The following PDGFC variants were observed in gnomAD, a reference collection of about 807,000 sequenced individuals.
PDGFC encodes platelet derived growth factor C, also known as platelet-derived growth factor C.
PDGFC carries 12 observed loss-of-function variants against 35.5 expected under a neutral mutation model. The ratio of observed to expected loss-of-function variants is 0.34; its 90% CI spans 0.22 to 0.55. PDGFC has a LOEUF of 0.55. PDGFC is among the 20% of genes least tolerant of loss of function. The pLI, the probability that PDGFC is intolerant of heterozygous loss-of-function variation, is 0.91. For synonymous variants in PDGFC, 159 were observed against 148.8 expected (o/e 1.07, Z -0.50); for missense variants, 322 against 412.4 (o/e 0.78, Z 1.90).
At chr4:156,924,615 G>T (rs184356748) in intron 1 of PDGFC, among the ~76,000 whole-genome samples, 32 of 152,188 alleles carry the variant, frequency 2.1e-4, no homozygotes, top group African/African-American at 6.0e-4. Context: ...ATTAGGGAGG[G>T]GGAAGAAATG....
In PDGFC at chr4:156,807,598, G is replaced by C. The variant is rs546122561; in HGVS notation, c.495+3239C>G. Among the ~76,000 whole-genome samples the C allele has an allele frequency of 2.0e-5, 3 of 151,906 alleles. No homozygotes were observed. The South Asian group carries it at 6.2e-4, about 32-fold the overall frequency. On this transcript the variant is annotated intron_variant, in intron 3 of 5. Transcript: ENST00000502773. ...ACAAGGGAGAACATAATTTTTAATG[G>C]CAACTTGTGTGGCAAAAACTGTTTC... is the stretch of plus-strand genomic sequence containing the variant.
At chr4:156,809,095 CAT>C (rs528481422) in intron 3 of PDGFC, among the ~76,000 whole-genome samples, 110 of 152,136 alleles carry the variant, frequency 7.2e-4, no homozygotes, top group Middle Eastern at 3.4e-3. Flanking sequence ...TTACTCCCCA[CAT>C]GTCTCCATTA....
chr4:156,789,743 G>A (rs573982123), intron 3 of PDGFC, among the ~76,000 whole-genome samples: 56 of 152,244 alleles, frequency 3.7e-4, no homozygotes, highest in Admixed American at 9.2e-4. Flanking sequence ...TCGGGAGGCC[G>A]AGGCAGGCGG....
intron 4 of PDGFC, among the ~76,000 whole-genome samples, chr4:156,768,203 G>T (rs1730592737): frequency 6.6e-6 from 1 of 151,628 alleles, no homozygotes; most frequent in East Asian, 1.9e-4. Flanking sequence ...ATGACTTAGC[G>T]ACCAGTAAAG....
chr4:156,801,072 A>G (rs1731591635), intron 3 of PDGFC, among the ~76,000 whole-genome samples: 1 of 152,164 alleles, frequency 6.6e-6, no homozygotes, highest in Non-Finnish European at 1.5e-5. Context: ...TAGCATCACT[A>G]TTGTAGAACT....
intron 1 of PDGFC, among the ~76,000 whole-genome samples, chr4:156,929,469 A>T: frequency 6.6e-6 from 1 of 151,942 alleles, no homozygotes; most frequent in East Asian, 1.9e-4. Context: ...AGCAAAAAAA[A>T]AAAAAGGCCA....
intron 1 of PDGFC, among the ~76,000 whole-genome samples, chr4:156,917,502 C>T (rs1043351498): frequency 1.3e-5 from 2 of 152,254 alleles, no homozygotes; most frequent in African/African-American, 2.4e-5. Flanking sequence ...AACAGCCTTA[C>T]CAGTAAGTAA....
intron 1 of PDGFC, among the ~76,000 whole-genome samples, chr4:156,877,440 C>A (rs1730141456): frequency 6.6e-6 from 1 of 152,000 alleles, no homozygotes; most frequent in East Asian, 1.9e-4. Flanking sequence ...AATTGTAAGT[C>A]AATCGTGAAA....
intron 2 of PDGFC, among the ~76,000 whole-genome samples, chr4:156,836,199 G>A (rs1407125910): frequency 6.6e-6 from 1 of 152,084 alleles, no homozygotes; most frequent in African/African-American, 2.4e-5. Context: ...ATGAATATTG[G>A]TGAATACAAA....
At chr4:156,889,865 G>A (rs962296187) in intron 1 of PDGFC, among the ~76,000 whole-genome samples, 5 of 152,128 alleles carry the variant, frequency 3.3e-5, no homozygotes, top group African/African-American at 1.2e-4. Context: ...ATTTGTAAAA[G>A]TTTAGTCATA....
At chr4:156,886,941 A>ATATT (rs1372478408) in intron 1 of PDGFC, 3 of 152,190 alleles carry the variant, frequency 2.0e-5, no homozygotes, top group Admixed American at 1.3e-4. Context: ...ACAATAAACA[A>ATATT]TATTTAAGCT....
chr4:156,905,009 T>C (rs79617430), intron 1 of PDGFC, among the ~76,000 whole-genome samples: 184 of 152,238 alleles, frequency 1.2e-3, no homozygotes, highest in African/African-American at 4.2e-3. Context: ...TCTTTTGAGC[T>C]GATGGAACAC....
intron 1 of PDGFC, among the ~76,000 whole-genome samples, chr4:156,867,498 T>C (rs1170070476): frequency 6.6e-6 from 1 of 152,174 alleles, no homozygotes; most frequent in Non-Finnish European, 1.5e-5. Flanking sequence ...GTCATGGTAG[T>C]GAAAGGGGTG....
chr4:156,945,363 A>G (rs1731918966), intron 1 of PDGFC, among the ~76,000 whole-genome samples: 2 of 104,898 alleles, frequency 1.9e-5, no homozygotes, highest in South Asian at 3.1e-4. Flanking sequence ...ATATATATAT[A>G]TATATATATA....
At chr4:156,770,536 A>C (rs1730666879) in intron 4 of PDGFC, 1 of 152,042 alleles carries the variant, frequency 6.6e-6, no homozygotes, top group Non-Finnish European at 1.5e-5. Context: ...TAATGTACCA[A>C]AGGATACTTT....
At chr4:156,819,750 G>C (rs1732197527) in intron 2 of PDGFC, among the ~76,000 whole-genome samples, 1 of 152,144 alleles carries the variant, frequency 6.6e-6, no homozygotes. Context: ...TGAGTTTTAA[G>C]TCTTATTATG....
intron 3 of PDGFC, among the ~76,000 whole-genome samples, chr4:156,793,046 G>T (rs2110887112): frequency 6.6e-6 from 1 of 152,028 alleles, no homozygotes; most frequent in African/African-American, 2.4e-5. Context: ...TCAACCACAG[G>T]GCATAACTTC....
chr4:156,844,239 T>C (rs575760116), intron 2 of PDGFC, among the ~76,000 whole-genome samples: 1 of 152,338 alleles, frequency 6.6e-6, no homozygotes, highest in Admixed American at 6.5e-5. Context: ...CTCAGTTATA[T>C]TATTTGGCAT....
Position 156,840,922 on chromosome 4 carries a change from C to T in PDGFC, c.314+9299G>A, listed in dbSNP as rs780081958. On this transcript the variant is annotated intron_variant, in intron 2 of 5. Coordinates refer to ENST00000502773, the MANE Select transcript of PDGFC (RefSeq NM_016205.3). Reference sequence around the variant, plus strand: ...CCCCTATGTTTAAGCCAATTTCTCCCATTTGGAATGGGTGTATTTAATCAA... The same window carrying T: ...CCCCTATGTTTAAGCCAATTTCTCCTATTTGGAATGGGTGTATTTAATCAA... 6.8e-4 allele frequency among the ~76,000 whole-genome samples: 103 copies of T among 152,160 alleles called. 1 individual carries two copies. The highest frequency in any genetic ancestry group is 7.9e-4 in the Admixed American group (12 of 15,272).
Sources: allele counts gnomAD v4.1 joint callset (sites outside exome capture counted in the v4.1 genomes callset), GRCh38; gene constraint gnomAD v4.1.1; transcripts MANE v1.5; gene names NCBI Gene and HGNC (gene_info 2026-07-23, HGNC 2026-07-21).